The following SGCD variants were observed in gnomAD, a reference collection of about 807,000 sequenced individuals.
SGCD encodes the protein sarcoglycan delta, also known as delta-sarcoglycan.
Under a neutral mutation model 36.6 loss-of-function variants are expected in SGCD, and 18 were observed. The ratio of observed to expected loss-of-function variants is 0.49; its 90% CI spans 0.34 to 0.73. The LOEUF is 0.73. SGCD is among the 30% of genes least tolerant of loss of function. The pLI, the probability that SGCD is intolerant of heterozygous loss-of-function variation, is 0.01. For missense variants in SGCD, 387 were observed against 346.7 expected, an observed-to-expected ratio of 1.12 and a Z score of -0.92; for synonymous variants, 133 against 130.6, an observed-to-expected ratio of 1.02 and a Z score of -0.12.
intron 3 of SGCD, among the ~76,000 whole-genome samples, chr5:156,152,928 C>A (rs764871149): frequency 2.0e-4 from 31 of 151,604 alleles, no homozygotes; most frequent in Admixed American, 2.0e-3. Context: ...CAGGTGACAT[C>A]TCTCTCCCTC....
intron 1 of SGCD, among the ~76,000 whole-genome samples, chr5:155,924,922 G>T (rs1383853996): frequency 1.3e-5 from 2 of 152,134 alleles, no homozygotes; most frequent in African/African-American, 4.8e-5. Flanking sequence ...AAGATTTGAG[G>T]ACCATTATCC....
intron 3 of SGCD, among the ~76,000 whole-genome samples, chr5:156,455,157 G>T (rs1754198362): frequency 1.3e-5 from 2 of 152,174 alleles, no homozygotes. Context: ...CCTGCATAAA[G>T]ATATACCAAA....
chr5:156,143,603 C>T (rs1561537566), intron 3 of SGCD, among the ~76,000 whole-genome samples: 1 of 152,190 alleles, frequency 6.6e-6, no homozygotes, highest in Non-Finnish European at 1.5e-5. Context: ...GAGCCCATCC[C>T]TTGGACCAGC....
chr5:156,304,134 G>T (rs1190693683), intron 3 of SGCD, among the ~76,000 whole-genome samples: 1 of 152,118 alleles, frequency 6.6e-6, no homozygotes. Flanking sequence ...CAGAATTCAG[G>T]TTCTGATTGC....
At chr5:156,546,461 A>C (rs1191699164) in intron 4 of SGCD, among the ~76,000 whole-genome samples, 9 of 152,204 alleles carry the variant, frequency 5.9e-5, no homozygotes, top group African/African-American at 2.2e-4. Context: ...ATGAACTACT[A>C]CCATGGTAGA....
intron 1 of SGCD, among the ~76,000 whole-genome samples, chr5:155,877,226 C>T (rs906876364): frequency 2.0e-5 from 3 of 151,986 alleles, no homozygotes; most frequent in Non-Finnish European, 4.4e-5. Context: ...CAAATCATAC[C>T]GAAATGGCCA....
At chr5:156,590,922 C>A (rs1214121354) in intron 5 of SGCD, among the ~76,000 whole-genome samples, 1 of 151,706 alleles carries the variant, frequency 6.6e-6, no homozygotes, top group African/African-American at 2.4e-5. Context: ...TTTCTTCCTC[C>A]TTCTCCCTCC....
chr5:155,752,556 C>G, the SGCD span, among the ~76,000 whole-genome samples: 2 of 152,166 alleles, frequency 1.3e-5, no homozygotes, highest in African/African-American at 4.8e-5. Context: ...GTTGCCCTTC[C>G]AGTTACTTCC....
intron 4 of SGCD, among the ~76,000 whole-genome samples, chr5:156,542,949 T>A (rs74598751): frequency 0.038 from 5,766 of 152,244 alleles, 151 homozygotes; most frequent in Middle Eastern, 0.058. Context: ...GTAATCTATG[T>A]ATGTGAATTC....
intron 3 of SGCD, among the ~76,000 whole-genome samples, chr5:156,368,427 A>G (rs1770219338): frequency 6.6e-6 from 1 of 152,070 alleles, no homozygotes; most frequent in Admixed American, 6.6e-5. Context: ...TGTGGTTATT[A>G]TTTTCTATCT....
intron 2 of SGCD, among the ~76,000 whole-genome samples, chr5:156,340,988 G>A (rs1234797764): frequency 6.6e-6 from 1 of 152,156 alleles, no homozygotes; most frequent in Non-Finnish European, 1.5e-5. Context: ...GTCAAAAAGT[G>A]CTCATCCCCT....
chr5:155,961,793 G>A (rs1230169336), intron 1 of SGCD, among the ~76,000 whole-genome samples: 1 of 151,930 alleles, frequency 6.6e-6, no homozygotes, highest in Non-Finnish European at 1.5e-5. Flanking sequence ...AGCCTTTACA[G>A]AGTAATGCAT....
At chr5:156,542,275 G>T (rs1758378590) in intron 4 of SGCD, among the ~76,000 whole-genome samples, 1 of 151,974 alleles carries the variant, frequency 6.6e-6, no homozygotes, top group African/African-American at 2.4e-5. Flanking sequence ...AAATTATTTG[G>T]ACAAAGCACA....
At chr5:156,132,434 G>T (rs116341883) in intron 3 of SGCD, among the ~76,000 whole-genome samples, 2 of 148,152 alleles carry the variant, frequency 1.3e-5, no homozygotes, top group Non-Finnish European at 3.0e-5. Context: ...GCACAGCAGC[G>T]GAACTGTGGC....
rs1311637821 is a variant in SGCD, at chr5:156,761,480, G to A, written c.*2090G>A. ...TATAATTAATATTCCATAGGGCCATGTTGCCAGAATCTGTATGTATCAATA... is the reference window on the plus strand; with the variant it reads ...TATAATTAATATTCCATAGGGCCATATTGCCAGAATCTGTATGTATCAATA... On this transcript the variant is annotated 3_prime_UTR_variant, in exon 9 of 9. Coordinates refer to ENST00000337851, the MANE Select transcript of SGCD (RefSeq NM_000337.6). 1 of 152,160 alleles carries A rather than the reference G, an allele frequency of 6.6e-6. No homozygotes were observed. Among genetic ancestry groups the A allele is most frequent in the East Asian group, 1.9e-4 (1 of 5,190 alleles). The allele number at this position is 152,160 out of a possible 1,614,324, so 9.4% of individuals were successfully genotyped here. A position where few individuals can be genotyped will look rare whatever the true frequency, so the allele number is the denominator to read the frequency against.
At chr5:156,149,170 A>G (rs74883185) in intron 3 of SGCD, among the ~76,000 whole-genome samples, 5,438 of 152,208 alleles carry the variant, frequency 0.036, 345 homozygotes, top group African/African-American at 0.12. Context: ...AGTACATGAG[A>G]TGTTTTGGTA....
intron 4 of SGCD, among the ~76,000 whole-genome samples, chr5:156,528,184 A>G (rs993728999): frequency 6.6e-6 from 1 of 152,170 alleles, no homozygotes; most frequent in Non-Finnish European, 1.5e-5. Context: ...TCCACCATTT[A>G]CTAGCCTTGT....
intron 4 of SGCD, among the ~76,000 whole-genome samples, chr5:156,582,041 T>C (rs1760283781): frequency 6.6e-6 from 1 of 152,218 alleles, no homozygotes; most frequent in South Asian, 2.1e-4. Flanking sequence ...CTGTTCCTAT[T>C]CAGCCGTCTT....
At chr5:156,296,765 T>C (rs1766903069) in intron 3 of SGCD, among the ~76,000 whole-genome samples, 1 of 152,166 alleles carries the variant, frequency 6.6e-6, no homozygotes. Flanking sequence ...TGTATTCTGT[T>C]AAATCTAGTT....
Sources: gnomAD v4.1 joint callset for allele counts (sites outside exome capture counted in the v4.1 genomes callset) on GRCh38, gnomAD v4.1.1 for gene constraint, MANE v1.5 for transcripts, NCBI Gene and HGNC (gene_info 2026-07-23, HGNC 2026-07-21) for gene names.